The following WDPCP variants were observed in gnomAD, a reference collection of about 807,000 sequenced individuals.
WDPCP encodes WD repeat-containing and planar cell polarity effector protein fritz homolog.
Under a neutral mutation model 93.1 loss-of-function variants are expected in WDPCP, and 71 were observed. The observed-to-expected ratio is 0.76, with a 90% CI of 0.63 to 0.93. The LOEUF (loss-of-function observed/expected upper bound fraction) is 0.93, where lower values mean the gene tolerates loss of function less well. Among genes scored for constraint, WDPCP ranks in the 40% least tolerant of loss-of-function variants. The pLI is 0.00. For missense variants in WDPCP, 844 were observed against 887.4 expected, an observed-to-expected ratio of 0.95 and a Z score of 0.62; for synonymous variants, 315 against 315.0, an observed-to-expected ratio of 1.00 and a Z score of 0.00.
At chr2:63,366,943 T>C (rs1026318418) in intron 12 of WDPCP, among the ~76,000 whole-genome samples, 2 of 152,058 alleles carry the variant, frequency 1.3e-5, no homozygotes, top group African/African-American at 2.4e-5. Flanking sequence ...AGGAATTATA[T>C]ATGGTTACAT....
At position 63,575,463 on chromosome 2, in the gene WDPCP, A is replaced by ATACACTGTG. The variant is rs1248571874; in HGVS notation, c.75+12733_75+12734insCACAGTGTA. On this transcript the variant is annotated intron_variant, in intron 1 of 17. Transcript: ENST00000272321. Reference sequence around the variant, plus strand: ...AGTGTATACACTGTATATACAGTATATATGCAGTATATACAGTGTATATAT... The same window carrying ATACACTGTG: ...AGTGTATACACTGTATATACAGTATATACACTGTGTATGCAGTATATACAGTGTATATAT... Among the ~76,000 whole-genome samples the ATACACTGTG allele has an allele frequency of 6.9e-5, 2 of 29,152 alleles. 1 individual carries two copies. The highest frequency in any genetic ancestry group is 1.1e-4 in the Non-Finnish European group (2 of 18,602). 19.1% of individuals were successfully genotyped at this position (29,152 alleles called of 152,430 possible). A position where few individuals can be genotyped will look rare whatever the true frequency, so the allele number is the denominator to read the frequency against.
chr2:63,810,952 T>C (rs917971994), intron 2 of WDPCP, among the ~76,000 whole-genome samples: 10 of 152,212 alleles, frequency 6.6e-5, no homozygotes, highest in African/African-American at 1.7e-4. Context: ...CCTAGGACAA[T>C]TGTAAGAAAA....
intron 17 of WDPCP, among the ~76,000 whole-genome samples, chr2:63,126,718 C>G (rs918733862): frequency 7.4e-6 from 1 of 135,564 alleles, no homozygotes; most frequent in Non-Finnish European, 1.5e-5. Context: ...GTTGCCCAGG[C>G]TGGAGAACAG....
chr2:63,339,969 T>C (rs1270643872), intron 12 of WDPCP, among the ~76,000 whole-genome samples: 1 of 152,190 alleles, frequency 6.6e-6, no homozygotes, highest in African/African-American at 2.4e-5. Context: ...TTTTTTGTTA[T>C]TTATTCTGTT....
chr2:63,585,428 T>A (rs1012761298), intron 1 of WDPCP, among the ~76,000 whole-genome samples: 3 of 152,172 alleles, frequency 2.0e-5, no homozygotes, highest in African/African-American at 7.2e-5. Flanking sequence ...AGGTCAACTA[T>A]TTAGCTCTGC....
upstream of WDPCP, chr2:63,588,913 C>T (rs572853588): frequency 2.4e-6 from 3 of 1,248,572 alleles, no homozygotes; most frequent in Non-Finnish European, 3.5e-6. Context: ...TCCCAGAGAG[C>T]GCCGCGTCGG....
chr2:63,140,919 TC>T (rs926581401), intron 17 of WDPCP, among the ~76,000 whole-genome samples: 37 of 152,304 alleles, frequency 2.4e-4, no homozygotes, highest in African/African-American at 7.9e-4. Flanking sequence ...TTTCAACTTT[TC>T]CCCATTCAGT....
intron 17 of WDPCP, among the ~76,000 whole-genome samples, chr2:63,133,332 C>T (rs770189789): frequency 1.2e-4 from 18 of 152,194 alleles, no homozygotes; most frequent in Non-Finnish European, 2.4e-4. Context: ...ATGCTTGTCT[C>T]CTAGCAGAGA....
At chr2:63,330,401 G>A (rs1417728252) in intron 12 of WDPCP, among the ~76,000 whole-genome samples, 1 of 152,094 alleles carries the variant, frequency 6.6e-6, no homozygotes, top group African/African-American at 2.4e-5. Flanking sequence ...TGTTTATTCA[G>A]TTCCCTTGCC....
chr2:63,228,678 T>C (rs962032624), intron 14 of WDPCP: 23 of 151,534 alleles, frequency 1.5e-4, no homozygotes, highest in Non-Finnish European at 8.8e-5. Flanking sequence ...TGAGAACATA[T>C]GGTGTTTGGT....
chr2:63,833,560 C>G, the WDPCP span, among the ~76,000 whole-genome samples: 1 of 152,138 alleles, frequency 6.6e-6, no homozygotes, highest in Non-Finnish European at 1.5e-5. Flanking sequence ...TGTGGAGATT[C>G]TTTTGAAGAG....
intron 2 of WDPCP, among the ~76,000 whole-genome samples, chr2:63,723,028 C>G (rs1331233910): frequency 2.0e-5 from 3 of 152,160 alleles, no homozygotes; most frequent in African/African-American, 4.8e-5. Flanking sequence ...GTCCACTCAG[C>G]GTTGAACGGA....
chr2:63,622,639 A>G, intron 3 of WDPCP: 3 of 1,613,912 alleles, frequency 1.9e-6, no homozygotes, highest in Non-Finnish European at 2.5e-6. Context: ...TGCTTGGCCC[A>G]GCGTGGCATT....
intron 14 of WDPCP, among the ~76,000 whole-genome samples, chr2:63,226,870 C>T (rs1184981245): frequency 6.6e-6 from 1 of 151,696 alleles, no homozygotes; most frequent in Non-Finnish European, 1.5e-5. Flanking sequence ...TGGAATTTAG[C>T]CAGAAAATAA....
At chr2:63,809,140 G>A (rs936846114) in intron 2 of WDPCP, among the ~76,000 whole-genome samples, 5 of 150,104 alleles carry the variant, frequency 3.3e-5, no homozygotes, top group African/African-American at 9.9e-5. Context: ...GAGCCCCTCC[G>A]CCCGGCAGCC....
chr2:63,225,098 A>C (rs1430224956), intron 14 of WDPCP, among the ~76,000 whole-genome samples: 1 of 151,724 alleles, frequency 6.6e-6, no homozygotes, highest in African/African-American at 2.4e-5. Context: ...TTTTATAAAG[A>C]TACTCAGGAA....
At chr2:63,328,181 A>T (rs1012395728) in intron 12 of WDPCP, among the ~76,000 whole-genome samples, 7 of 89,714 alleles carry the variant, frequency 7.8e-5, no homozygotes, top group African/African-American at 3.5e-4. Flanking sequence ...ACACCCCAAT[A>T]AGCACTCCGT....
At chr2:63,174,985 C>T (rs930812830) in intron 14 of WDPCP, among the ~76,000 whole-genome samples, 153 bp from the exon 15 acceptor site, 20 of 152,188 alleles carry the variant, frequency 1.3e-4, no homozygotes, top group Non-Finnish European at 2.6e-4. Context: ...CCTATGACTT[C>T]TGTCATTCTT....
intron 9 of WDPCP, among the ~76,000 whole-genome samples, chr2:63,408,773 G>A (rs965978266): frequency 1.3e-5 from 2 of 152,016 alleles, no homozygotes; most frequent in East Asian, 3.9e-4. Context: ...TGTGACTGCC[G>A]GCTCTCCCCG....
Sources: gnomAD v4.1 joint callset for allele counts (sites outside exome capture counted in the v4.1 genomes callset) on GRCh38, gnomAD v4.1.1 for gene constraint, MANE v1.5 for transcripts, NCBI Gene and HGNC (gene_info 2026-07-23, HGNC 2026-07-21) for gene names.